CHD1L: variants seen among roughly 807,000 people sequenced by gnomAD.
CHD1L encodes the protein chromodomain helicase DNA binding protein 1 like.
CHD1L carries 118 observed loss-of-function variants against 115.9 expected under a neutral mutation model. The ratio of observed to expected loss-of-function variants is 1.02; its 90% confidence interval spans 0.88 to 1.19. The LOEUF is 1.19. CHD1L is among the 50% of genes most tolerant of loss of function. CHD1L has a pLI of 0.00. For missense variants in CHD1L, 1,179 were observed against 1,065.3 expected (o/e 1.11, Z -1.49); for synonymous variants, 411 against 387.1 (o/e 1.06, Z -0.72).
the CHD1L span, among the ~76,000 whole-genome samples, chr1:147,229,107 T>G: frequency 5.9e-3 from 900 of 152,336 alleles, 4 homozygotes; most frequent in Non-Finnish European, 9.4e-3. Flanking sequence ...TGAATGGTAT[T>G]GCCTAGGTTT....
At chr1:147,194,781 G>A in the CHD1L span, among the ~76,000 whole-genome samples, 15 of 151,838 alleles carry the variant, frequency 9.9e-5, no homozygotes, top group African/African-American at 3.4e-4. Flanking sequence ...TAGTTTGGCT[G>A]GATATGAAAT....
chr1:147,286,720 A>G (rs1298384284), intron 18 of CHD1L, among the ~76,000 whole-genome samples: 2 of 152,202 alleles, frequency 1.3e-5, no homozygotes, highest in Non-Finnish European at 2.9e-5. Flanking sequence ...CAACTTCCTT[A>G]TCCATATGAT....
At chr1:147,178,248 G>A in the CHD1L span, 3 of 1,613,674 alleles carry the variant, frequency 1.9e-6, no homozygotes, top group Non-Finnish European at 2.5e-6. Flanking sequence ...CGGGCTCTGC[G>A]GGCCTCATGC....
At chr1:147,178,174 C>G in the CHD1L span, 1 of 1,611,280 alleles carries the variant, frequency 6.2e-7, no homozygotes, top group Non-Finnish European at 8.5e-7. Context: ...CGCGGCCCGC[C>G]TCGCGGCTGC....
the CHD1L span, among the ~76,000 whole-genome samples, chr1:147,190,916 G>A: frequency 5.3e-5 from 8 of 151,980 alleles, no homozygotes; most frequent in East Asian, 1.4e-3. Context: ...TCCCACCTAT[G>A]AGTGAGAACA....
At chr1:147,184,975 A>AAT in the CHD1L span, among the ~76,000 whole-genome samples, 10,873 of 152,010 alleles carry the variant, frequency 0.072, 539 homozygotes, top group Non-Finnish European at 0.1. The surrounding 1 kb of genome is among the most constrained non-coding windows in gnomAD (Gnocchi z 4.4). Context: ...GCACTACAAG[A>AAT]ATATATATAT....
the CHD1L span, among the ~76,000 whole-genome samples, chr1:147,180,627 C>G: frequency 6.6e-6 from 1 of 152,174 alleles, no homozygotes; most frequent in African/African-American, 2.4e-5. Flanking sequence ...TTAAAATTCT[C>G]AGAGAAAGGA....
At chr1:147,267,288 T>A in intron 8 of CHD1L, 138 bp from the exon 9 acceptor site, 1 of 547,090 alleles carries the variant, frequency 1.8e-6, no homozygotes, top group East Asian at 3.1e-5. Flanking sequence ...TACAATTCAG[T>A]GAAATTTGGG....
At chr1:147,208,075 A>G in the CHD1L span, among the ~76,000 whole-genome samples, 1 of 152,344 alleles carries the variant, frequency 6.6e-6, no homozygotes, top group South Asian at 2.1e-4. Flanking sequence ...GGCTATTGTC[A>G]GGATTAAGTG....
At chr1:147,222,195 C>A in the CHD1L span, among the ~76,000 whole-genome samples, 1 of 152,142 alleles carries the variant, frequency 6.6e-6, no homozygotes, top group Non-Finnish European at 1.5e-5. Context: ...CATGGTGAAA[C>A]CCCATCTTTA....
the CHD1L span, among the ~76,000 whole-genome samples, chr1:147,231,090 T>G: frequency 6.6e-6 from 1 of 152,202 alleles, no homozygotes; most frequent in Non-Finnish European, 1.5e-5. Context: ...TTCTTTTAAT[T>G]GTGACGTTAG....
the CHD1L span, among the ~76,000 whole-genome samples, chr1:147,237,606 C>A: frequency 6.6e-6 from 1 of 152,156 alleles, no homozygotes; most frequent in Non-Finnish European, 1.5e-5. Flanking sequence ...GAGCTGGCAG[C>A]CCTGGTGTGC....
At chr1:147,194,604 G>A in the CHD1L span, among the ~76,000 whole-genome samples, 2 of 152,258 alleles carry the variant, frequency 1.3e-5, no homozygotes, top group Middle Eastern at 3.4e-3. Flanking sequence ...TCCTAGCCTT[G>A]ACAGTCTTTA....
chr1:147,172,823 G>C, the CHD1L span: 2 of 152,352 alleles, frequency 1.3e-5, no homozygotes, highest in Non-Finnish European at 2.9e-5. Context: ...CCGCCTCCCT[G>C]GGCTCCGGTG....
At chr1:147,216,811 A>G in the CHD1L span, among the ~76,000 whole-genome samples, 1 of 152,228 alleles carries the variant, frequency 6.6e-6, no homozygotes, top group East Asian at 1.9e-4. Flanking sequence ...ACTGAATCAG[A>G]ACCTGCATCT....
rs371537271 is a variant in CHD1L, at chr1:147,267,535, T to TC, written c.988+23dup. The TC allele has an allele frequency of 7.4e-4, 1,175 of 1,580,288 alleles. 9 individuals are homozygous for TC. In the African/African-American group the frequency reaches 0.014, roughly 19 times the overall value. On this transcript the variant is annotated intron_variant, in intron 9 of 22. Coordinates refer to ENST00000369258, the MANE Select transcript of CHD1L (RefSeq NM_004284.6). ...TGTTTGATGGTGAGACAGTGCCTTT[T>TC]CCCCCCACATTATTCTTTGGTAATG...
Position 147,291,557 on chromosome 1 carries a change from G to A in CHD1L, c.2391+5G>A. ...AGAAACAAAGGGCAAGATTTGGTAAGTAAAACCCATCTCTTCTCAGAACTA... is the reference window on the plus strand; with the variant it reads ...AGAAACAAAGGGCAAGATTTGGTAAATAAAACCCATCTCTTCTCAGAACTA... On this transcript the variant is annotated splice_donor_5th_base_variant and intron_variant, in intron 20 of 22. Coordinates refer to ENST00000369258, the MANE Select transcript of CHD1L (RefSeq NM_004284.6). The A allele has an allele frequency of 6.2e-7, 1 of 1,611,434 alleles. No homozygotes were observed. The highest frequency in any genetic ancestry group is 2.2e-5 in the East Asian group (1 of 44,864).
chr1:147,258,841 A>G (rs1670975326), intron 5 of CHD1L: 1 of 152,250 alleles, frequency 6.6e-6, no homozygotes, highest in African/African-American at 2.4e-5. Context: ...AAAATAATGT[A>G]ATGGGATTCC....
chr1:147,208,444 C>CTTTTTTTTTTTT, the CHD1L span: 3 of 145,570 alleles, frequency 2.1e-5, no homozygotes, highest in African/African-American at 2.5e-5. Flanking sequence ...CTTTTCTTTT[C>CTTTTTTTTTTTT]TTTTTTTTTT....
Sources: gnomAD v4.1 joint callset for allele counts (sites outside exome capture counted in the v4.1 genomes callset) on GRCh38, gnomAD v4.1.1 for gene constraint, Gnocchi (gnomAD v3.1) non-coding constraint, MANE v1.5 for transcripts, NCBI Gene and HGNC (gene_info 2026-07-23, HGNC 2026-07-21) for gene names.